Variants in TBCK observed in about 807,000 individuals in gnomAD.
TBCK encodes TBC1 domain containing kinase, also known as TBC domain-containing protein kinase-like protein.
A neutral mutation model predicts 113.4 loss-of-function variants in TBCK; 99 were observed. That is an observed-to-expected ratio of 0.87 (90% CI 0.74 to 1.03). The LOEUF (loss-of-function observed/expected upper bound fraction) is 1.03, where lower values mean the gene tolerates loss of function less well. TBCK is among the 50% of genes least tolerant of loss of function. The pLI is 0.00. For missense variants in TBCK, 1,045 were observed against 1,061.3 expected, an observed-to-expected ratio of 0.98 and a Z score of 0.21; for synonymous variants, 369 against 370.8, an observed-to-expected ratio of 1.00 and a Z score of 0.05.
At chr4:106,048,057 G>T (rs1734409045) in intron 25 of TBCK, among the ~76,000 whole-genome samples, 1 of 152,088 alleles carries the variant, frequency 6.6e-6, no homozygotes, top group Non-Finnish European at 1.5e-5. Context: ...GAGTGGTTTG[G>T]CCAGGACAAG....
intron 23 of TBCK, among the ~76,000 whole-genome samples, chr4:106,150,962 C>A (rs1166298945): frequency 6.6e-6 from 1 of 151,934 alleles, no homozygotes; most frequent in Non-Finnish European, 1.5e-5. Context: ...CAGTCCTTTC[C>A]TTAATGCACC....
At chr4:106,303,009 A>G (rs1767109728) in intron 2 of TBCK, among the ~76,000 whole-genome samples, 1 of 152,210 alleles carries the variant, frequency 6.6e-6, no homozygotes, top group African/African-American at 2.4e-5. Flanking sequence ...CTACTATTAG[A>G]TATAGTTACC....
At chr4:106,127,795 A>AT (rs145615092) in intron 23 of TBCK, among the ~76,000 whole-genome samples, 2,524 of 152,216 alleles carry the variant, frequency 0.017, 33 homozygotes, top group Middle Eastern at 0.088. Context: ...GCCAAGCACA[A>AT]TTTTTTTCCA....
In TBCK at chr4:106,235,316, GA is replaced by G. The variant is rs1759325666; in HGVS notation, c.1401del (p.Pro468LeufsTer4). 1 of 1,610,608 alleles carries G rather than the reference GA, an allele frequency of 6.2e-7. No homozygotes were observed. The highest frequency in any genetic ancestry group is 1.3e-5 in the African/African-American group (1 of 74,702). On this transcript the variant is annotated frameshift_variant, in exon 15 of 26. Transcript: ENST00000394708. LOFTEE classifies it high-confidence loss of function. ...NQIWKEARVD[I>X]PPLMRGLTWA... Reference sequence around the variant, plus strand: ...CAGGTTAAACCTCTCATAAGAGGAGGAATGTCAACTCTTGCTTCTTTCCAGA... The same window carrying G: ...CAGGTTAAACCTCTCATAAGAGGAGGATGTCAACTCTTGCTTCTTTCCAGA...
intron 23 of TBCK, among the ~76,000 whole-genome samples, chr4:106,130,254 A>C (rs771598905): frequency 1.3e-5 from 2 of 152,186 alleles, no homozygotes; most frequent in African/African-American, 4.8e-5. Context: ...TAAAATATGC[A>C]CATCTTTTAA....
chr4:106,151,853 G>A (rs538853174), intron 23 of TBCK, among the ~76,000 whole-genome samples: 10 of 151,982 alleles, frequency 6.6e-5, no homozygotes, highest in Admixed American at 1.3e-4. Flanking sequence ...GCTATTGTAA[G>A]TGGGATTACT....
At position 106,044,931 on chromosome 4, in the gene TBCK, A is replaced by C. The variant is rs1734081306; in HGVS notation, c.*1639T>G. The C allele has an allele frequency of 6.6e-6, 1 of 152,216 alleles. No homozygotes were observed. Among genetic ancestry groups the C allele is most frequent in the South Asian group, 2.1e-4 (1 of 4,830 alleles). 9.4% of individuals were successfully genotyped at this position (152,216 alleles called of 1,614,324 possible). A position where few individuals can be genotyped will look rare whatever the true frequency, so the allele number is the denominator to read the frequency against. ...TAGGCAGTCTTAACATTGGAGTGGA[A>C]TGTAAGTTATAGATGAATGAACACT... On this transcript the variant is annotated 3_prime_UTR_variant, in exon 26 of 26. Coordinates refer to ENST00000394708, the MANE Select transcript of TBCK (RefSeq NM_001163435.3).
At chr4:106,243,754 T>C (rs983512439) in intron 11 of TBCK, among the ~76,000 whole-genome samples, 1 of 152,148 alleles carries the variant, frequency 6.6e-6, no homozygotes, top group Non-Finnish European at 1.5e-5. Flanking sequence ...TAGCATGATC[T>C]TGGCTCACTG....
intron 22 of TBCK, among the ~76,000 whole-genome samples, chr4:106,186,569 T>G (rs1452479326): frequency 2.0e-5 from 3 of 152,216 alleles, no homozygotes; most frequent in Non-Finnish European, 4.4e-5. Context: ...TTTTACATTT[T>G]TAAAGGGGTC....
intron 22 of TBCK, among the ~76,000 whole-genome samples, chr4:106,189,665 C>T (rs1458973777): frequency 6.6e-6 from 1 of 152,056 alleles, no homozygotes; most frequent in African/African-American, 2.4e-5. Flanking sequence ...GAAAGCTCTA[C>T]AAATATTAAT....
At chr4:106,205,847 T>C (rs1755440620) in intron 20 of TBCK, among the ~76,000 whole-genome samples, 1 of 151,582 alleles carries the variant, frequency 6.6e-6, no homozygotes, top group African/African-American at 2.4e-5. Flanking sequence ...TATTAACGTG[T>C]CTGTGTGAGG....
At chr4:106,233,174 A>G in intron 16 of TBCK, 110 bp from the exon 17 acceptor site, 6 of 1,082,518 alleles carry the variant, frequency 5.5e-6, no homozygotes, top group Non-Finnish European at 6.5e-6. Context: ...TATGAATTTC[A>G]AAACAGACCA....
intron 12 of TBCK, among the ~76,000 whole-genome samples, chr4:106,239,406 T>A (rs1759833417): frequency 6.6e-6 from 1 of 152,136 alleles, no homozygotes; most frequent in African/African-American, 2.4e-5. Flanking sequence ...AATAACAGGA[T>A]TCATTCCTTC....
chr4:106,162,351 ACTGT>A (rs1749895488), intron 23 of TBCK, among the ~76,000 whole-genome samples: 1 of 152,096 alleles, frequency 6.6e-6, no homozygotes, highest in Non-Finnish European at 1.5e-5. Context: ...GATGGTGTTG[ACTGT>A]CTGCAGCTTT....
chr4:106,229,549 T>C (rs1054769581), intron 19 of TBCK, among the ~76,000 whole-genome samples: 3 of 151,994 alleles, frequency 2.0e-5, no homozygotes, highest in African/African-American at 7.2e-5. Context: ...ATGTGTTCAT[T>C]GTAAGTGTAT....
rs565386878 is a variant in TBCK, at chr4:106,256,088, T to G, written c.456-4081A>C. Among the ~76,000 whole-genome samples the G allele has an allele frequency of 2.5e-4, 38 of 152,292 alleles. No homozygotes were observed. The South Asian group carries it at 7.7e-3, about 31-fold the overall frequency. On this transcript the variant is annotated intron_variant, in intron 5 of 25. Transcript: ENST00000394708. ...AGTCTGGCTGAGTCCAGGGTTTTTATGGTCCTCAGAGGGAAGAAGTGCACG... is the reference window on the plus strand; with the variant it reads ...AGTCTGGCTGAGTCCAGGGTTTTTAGGGTCCTCAGAGGGAAGAAGTGCACG...
At chr4:106,180,148 A>G (rs909352173) in intron 22 of TBCK, among the ~76,000 whole-genome samples, 1 of 151,852 alleles carries the variant, frequency 6.6e-6, no homozygotes, top group African/African-American at 2.4e-5. Flanking sequence ...TAGACAGCAT[A>G]TAGTTGTGTC....
intron 13 of TBCK, 117 bp from the exon 14 acceptor site, chr4:106,236,636 C>T (rs1759504572): frequency 9.2e-7 from 1 of 1,082,408 alleles, no homozygotes; most frequent in Non-Finnish European, 1.2e-6. Context: ...TTTTAATAAA[C>T]CAAAACCTCA....
chr4:106,193,350 C>G (rs1250292185), intron 22 of TBCK, among the ~76,000 whole-genome samples: 1 of 152,150 alleles, frequency 6.6e-6, no homozygotes, highest in East Asian at 1.9e-4. Context: ...TTGCCCCCAA[C>G]TTCCTGGCAT....
Sources: gnomAD v4.1 joint callset for allele counts (sites outside exome capture counted in the v4.1 genomes callset) on GRCh38, gnomAD v4.1.1 for gene constraint, MANE v1.5 for transcripts, NCBI Gene and HGNC (gene_info 2026-07-23, HGNC 2026-07-21) for gene names.